Variants in STXBP5L observed in about 807,000 individuals in gnomAD.
The protein encoded by STXBP5L is syntaxin-binding protein 5-like.
Under a neutral mutation model 144.5 loss-of-function variants are expected in STXBP5L, and 65 were observed. That is an observed-to-expected ratio of 0.45 (90% CI 0.37 to 0.55). The LOEUF (loss-of-function observed/expected upper bound fraction) is 0.55, where lower values mean the gene tolerates loss of function less well. Among genes scored for constraint, STXBP5L ranks in the 20% least tolerant of loss-of-function variants. STXBP5L has a pLI of 0.00. For synonymous variants in STXBP5L, 505 were observed against 469.6 expected, an observed-to-expected ratio of 1.08 and a Z score of -0.97; for missense variants, 1,298 against 1,405.5, an observed-to-expected ratio of 0.92 and a Z score of 1.22.
At chr3:121,232,083 C>T (rs915737963) in intron 11 of STXBP5L, among the ~76,000 whole-genome samples, 6 of 152,190 alleles carry the variant, frequency 3.9e-5, no homozygotes, top group African/African-American at 1.4e-4. Flanking sequence ...GACCCTGAGT[C>T]AGGCCTCCTT....
At chr3:120,985,324 A>G (rs1236818651) in intron 3 of STXBP5L, among the ~76,000 whole-genome samples, 3 of 152,030 alleles carry the variant, frequency 2.0e-5, no homozygotes, top group African/African-American at 7.2e-5. Flanking sequence ...GTATATAGTT[A>G]TGGGTTACAA....
At chr3:121,211,487 G>A (rs1013143415) in intron 10 of STXBP5L, among the ~76,000 whole-genome samples, 3 of 151,882 alleles carry the variant, frequency 2.0e-5, no homozygotes, top group Admixed American at 2.0e-4. Flanking sequence ...GGTGAGAGAG[G>A]GCATCCCTGT....
At chr3:121,116,107 C>A in intron 6 of STXBP5L, among the ~76,000 whole-genome samples, 1 of 152,176 alleles carries the variant, frequency 6.6e-6, no homozygotes, top group Middle Eastern at 3.4e-3. Flanking sequence ...GTAGTACATA[C>A]GTAAGCAATT....
At chr3:121,351,183 G>A (rs1269662133) in intron 20 of STXBP5L, among the ~76,000 whole-genome samples, 1 of 152,160 alleles carries the variant, frequency 6.6e-6, no homozygotes, top group Non-Finnish European at 1.5e-5. Flanking sequence ...TAACAGTCAG[G>A]ACCCTCAGCT....
intron 5 of STXBP5L, among the ~76,000 whole-genome samples, chr3:121,065,144 A>C (rs1576833409): frequency 6.6e-6 from 1 of 151,298 alleles, no homozygotes; most frequent in South Asian, 2.1e-4. Flanking sequence ...TCCACTGTTG[A>C]TGGGCACTTG....
chr3:121,201,014 CCAAGTT>C (rs2048115908), intron 9 of STXBP5L, among the ~76,000 whole-genome samples: 2 of 152,112 alleles, frequency 1.3e-5, no homozygotes, highest in East Asian at 3.9e-4. Flanking sequence ...TGGTCCAGGG[CCAAGTT>C]CAAGTCCTGA....
chr3:120,977,603 A>G (rs2107841330), intron 3 of STXBP5L, among the ~76,000 whole-genome samples: 1 of 152,140 alleles, frequency 6.6e-6, no homozygotes, highest in African/African-American at 2.4e-5. Flanking sequence ...TTAGCTGGTT[A>G]TTTTGCTCCT....
intron 3 of STXBP5L, among the ~76,000 whole-genome samples, chr3:121,028,401 A>G (rs1946109450): frequency 6.6e-6 from 1 of 152,086 alleles, no homozygotes; most frequent in Admixed American, 6.6e-5. Flanking sequence ...GTAAGTTACT[A>G]GAATATCCTC....
chr3:121,025,096 A>T (rs1033423224), intron 3 of STXBP5L, among the ~76,000 whole-genome samples: 2 of 152,110 alleles, frequency 1.3e-5, no homozygotes, highest in African/African-American at 4.8e-5. Flanking sequence ...GTAATTTATG[A>T]CTCTTAGGTA....
intron 3 of STXBP5L, among the ~76,000 whole-genome samples, chr3:120,994,241 A>G (rs1943160837): frequency 6.6e-6 from 1 of 152,126 alleles, no homozygotes; most frequent in South Asian, 2.1e-4. Context: ...GCAAAGGGAC[A>G]GTTTGACTTC....
intron 10 of STXBP5L, among the ~76,000 whole-genome samples, chr3:121,214,708 T>A (rs997820450): frequency 6.6e-5 from 10 of 152,232 alleles, no homozygotes; most frequent in Admixed American, 3.3e-4. Context: ...GTTCTGTAGA[T>A]GTCTATTAGG....
intron 5 of STXBP5L, among the ~76,000 whole-genome samples, chr3:121,049,012 T>A (rs1051289337): frequency 6.6e-6 from 1 of 152,192 alleles, no homozygotes; most frequent in Admixed American, 6.5e-5. Flanking sequence ...GCAAAAATGG[T>A]GGCCTGCTTG....
chr3:121,364,956 G>A (rs1021951443), intron 20 of STXBP5L, among the ~76,000 whole-genome samples: 2 of 151,716 alleles, frequency 1.3e-5, no homozygotes, highest in African/African-American at 2.4e-5. Context: ...TGCTTTTTCT[G>A]CTCAATTGAG....
In STXBP5L at chr3:121,254,933, G is replaced by A. The variant is rs888854964; in HGVS notation, c.1480G>A (p.Val494Met). Residue 494 changes from valine (V) to methionine (M), a missense_variant, in exon 16 of 27, where the codon GTG (valine) becomes ATG (methionine). By Grantham distance (21) the Val-to-Met change is conservative (BLOSUM62 1). Coordinates refer to ENST00000471454, the MANE Select transcript of STXBP5L (RefSeq NM_001308330.2). The stretch of plus-strand genomic sequence containing the variant: ...GCTGTACAAGCTAAAAACTTCAAAA[G>A]TGTTTGAAAAACAGAAGGTAGGAGA... The part of the protein sequence containing the change: ...QMLYKLKTSK[V>M]FEKQKVGEGK... 6.2e-7 allele frequency: 1 copy of A among 1,613,310 alleles called. No homozygotes were observed. Among genetic ancestry groups the A allele is most frequent in the Non-Finnish European group, 8.5e-7 (1 of 1,179,630 alleles).
At chr3:121,381,865 G>T (rs2046332040) in intron 22 of STXBP5L, among the ~76,000 whole-genome samples, 1 of 152,106 alleles carries the variant, frequency 6.6e-6, no homozygotes, top group Non-Finnish European at 1.5e-5. Context: ...ATTACCCAAA[G>T]TTCCATGCCA....
At chr3:121,142,250 AAT>A (rs1204303363) in intron 7 of STXBP5L, among the ~76,000 whole-genome samples, 3 of 151,986 alleles carry the variant, frequency 2.0e-5, no homozygotes, top group Non-Finnish European at 2.9e-5. Flanking sequence ...AGAGCACCTA[AAT>A]ATATAAGGCA....
At chr3:121,008,644 A>G (rs1052558131) in intron 3 of STXBP5L, among the ~76,000 whole-genome samples, 1 of 152,006 alleles carries the variant, frequency 6.6e-6, no homozygotes, top group Non-Finnish European at 1.5e-5. Context: ...ATGGTTTAAG[A>G]GGCTATTCCA....
At chr3:121,214,216 A>T (rs149943012) in intron 10 of STXBP5L, among the ~76,000 whole-genome samples, 2 of 151,792 alleles carry the variant, frequency 1.3e-5, no homozygotes, top group Non-Finnish European at 2.9e-5. Flanking sequence ...CTTCAGTTGC[A>T]CTGTGATCTT....
At chr3:121,319,650 C>A (rs559925365) in intron 20 of STXBP5L, among the ~76,000 whole-genome samples, 108 of 152,244 alleles carry the variant, frequency 7.1e-4, no homozygotes, top group African/African-American at 2.5e-3. Context: ...TACAAATATT[C>A]TAGTAGATGT....
Sources: gnomAD v4.1 joint callset for allele counts (sites outside exome capture counted in the v4.1 genomes callset) on GRCh38, gnomAD v4.1.1 for gene constraint, MANE v1.5 for transcripts, NCBI Gene and HGNC (gene_info 2026-07-23, HGNC 2026-07-21) for gene names.